NRCAM: variants seen among roughly 807,000 people sequenced by gnomAD.
NRCAM encodes NgCAM-related cell adhesion molecule.
Under a neutral mutation model 156.5 loss-of-function variants are expected in NRCAM, and 83 were observed. The observed-to-expected ratio is 0.53, with a 90% CI of 0.44 to 0.64. The LOEUF is 0.64. Ranked by LOEUF, NRCAM falls within the 30% of genes least tolerant of loss-of-function variation. The pLI, the probability that NRCAM is intolerant of heterozygous loss-of-function variation, is 0.00. For missense variants in NRCAM, 1,417 were observed against 1,597.3 expected (o/e 0.89, Z 1.92); for synonymous variants, 538 against 563.9 (o/e 0.95, Z 0.65).
chr7:108,191,656 A>G lies in NRCAM; in HGVS notation c.1903+73T>C, dbSNP rs543496771. 62 of 1,467,144 alleles carry G rather than the reference A, an allele frequency of 4.2e-5. No homozygotes were observed. In the Admixed American group the frequency reaches 5.5e-4, roughly 13 times the overall value. 90.9% of individuals were successfully genotyped at this position (1,467,144 alleles called of 1,614,324 possible). ...TAACAAGCAAATATTTGATATTTATAATTTTTATCTTATTTTTTCTTTTCA... is the reference window on the plus strand; with the variant it reads ...TAACAAGCAAATATTTGATATTTATGATTTTTATCTTATTTTTTCTTTTCA... On this transcript the variant is annotated intron_variant, in intron 18 of 32. Coordinates refer to ENST00000379028, the MANE Select transcript of NRCAM (RefSeq NM_001037132.4).
At chr7:108,161,492 T>A (rs1028061987) in intron 30 of NRCAM, among the ~76,000 whole-genome samples, 15 of 152,256 alleles carry the variant, frequency 9.9e-5, no homozygotes, top group Non-Finnish European at 1.6e-4. Context: ...AATTCTTTTT[T>A]AAAAGACCTT....
intron 2 of NRCAM, among the ~76,000 whole-genome samples, chr7:108,333,206 C>T (rs531710290): frequency 1.3e-4 from 20 of 152,188 alleles, no homozygotes; most frequent in Non-Finnish European, 7.4e-5. Flanking sequence ...AACAACCACA[C>T]ATTACTGAAG....
chr7:108,181,921 A>G lies in NRCAM; in HGVS notation c.2547T>C (p.Pro849=). 1 of 1,613,888 alleles carries G rather than the reference A, an allele frequency of 6.2e-7. No homozygotes were observed. The highest frequency in any genetic ancestry group is 8.5e-7 in the Non-Finnish European group (1 of 1,179,796). The stretch of plus-strand genomic sequence containing the variant: ...TCACCACATTCACACGCACGTTCCC[A>G]GGAGCCACCATTGGGACTAGGAAAA... ...HSGEDLPMVA[P]GNVRVNVVNS... The change falls in exon 24 of 33, where the codon CCT becomes CCC. Residue 849 remains proline, a synonymous_variant. Transcript: ENST00000379028.
intron 20 of NRCAM, among the ~76,000 whole-genome samples, chr7:108,188,091 G>A (rs426551): frequency 0.66 from 100,749 of 152,118 alleles, 36,106 homozygotes; most frequent in East Asian, 0.96. Context: ...GGAAGTGGGG[G>A]AGGGAAGGAG....
At chr7:108,309,840 A>C (rs1410217197) in intron 3 of NRCAM, among the ~76,000 whole-genome samples, 1 of 152,176 alleles carries the variant, frequency 6.6e-6, no homozygotes, top group African/African-American at 2.4e-5. Context: ...CTGGGTGACA[A>C]GTGAGACTCC....
intron 3 of NRCAM, among the ~76,000 whole-genome samples, chr7:108,258,764 G>T (rs1361062253): frequency 6.6e-6 from 1 of 152,114 alleles, no homozygotes; most frequent in Admixed American, 6.5e-5. Flanking sequence ...CTTAGTAAAT[G>T]GTGACAAAAG....
chr7:108,191,914 T>A, intron 17 of NRCAM, 61 bp from the exon 18 acceptor site: 4 of 1,529,106 alleles, frequency 2.6e-6, no homozygotes, highest in Non-Finnish European at 3.5e-6. Context: ...CTATAATTGC[T>A]TCACTGGCAG....
In NRCAM at chr7:108,435,898, C is replaced by A. The variant is rs539374744; in HGVS notation, c.-332+20345G>T. On this transcript the variant is annotated intron_variant, in intron 1 of 32. Coordinates refer to ENST00000379028, the MANE Select transcript of NRCAM (RefSeq NM_001037132.4). ...CTGTAATCCCAGCACTTTGGGAGGC[C>A]GAGGCGGGTGGATCACGAGGGTAGG... is the stretch of plus-strand genomic sequence containing the variant. Among the ~76,000 whole-genome samples the A allele has an allele frequency of 3.3e-5, 5 of 152,242 alleles. No homozygotes were observed. The South Asian group carries it at 1.0e-3, about 32-fold the overall frequency.
chr7:108,177,145 A>G (rs540554286), intron 26 of NRCAM, among the ~76,000 whole-genome samples: 1 of 152,222 alleles, frequency 6.6e-6, no homozygotes, highest in Non-Finnish European at 1.5e-5. Flanking sequence ...TTGAAGTTAT[A>G]TGTATATATT....
intron 3 of NRCAM, among the ~76,000 whole-genome samples, chr7:108,288,005 G>A (rs139103916): frequency 1.9e-4 from 29 of 152,020 alleles, no homozygotes; most frequent in South Asian, 6.2e-4. Context: ...AAAATGTAGC[G>A]TATATACATG....
At chr7:108,437,285 G>A (rs896646031) in intron 1 of NRCAM, among the ~76,000 whole-genome samples, 4 of 152,088 alleles carry the variant, frequency 2.6e-5, no homozygotes, top group Non-Finnish European at 5.9e-5. Context: ...AGTGGGAAGT[G>A]GGGGAAATGG....
intron 3 of NRCAM, among the ~76,000 whole-genome samples, chr7:108,252,372 C>T (rs1302579177): frequency 6.6e-6 from 1 of 152,158 alleles, no homozygotes; most frequent in Non-Finnish European, 1.5e-5. Flanking sequence ...TTTCTGTCTC[C>T]TTCGAGAATT....
chr7:108,162,668 C>T (rs1027520896), intron 30 of NRCAM, among the ~76,000 whole-genome samples: 1 of 152,202 alleles, frequency 6.6e-6, no homozygotes, highest in African/African-American at 2.4e-5. Context: ...GGTACACAAA[C>T]ATCCACATTC....
chr7:108,428,950 C>CT (rs1482991091), intron 1 of NRCAM, among the ~76,000 whole-genome samples: 5 of 114,772 alleles, frequency 4.4e-5, no homozygotes, highest in Non-Finnish European at 3.8e-5. Flanking sequence ...TTCTTTTCTT[C>CT]TTTTTTTTTT....
intron 2 of NRCAM, among the ~76,000 whole-genome samples, chr7:108,379,568 C>T (rs951316905): frequency 2.6e-5 from 4 of 151,920 alleles, no homozygotes; most frequent in South Asian, 2.1e-4. Flanking sequence ...ACACAACTGA[C>T]GGGTGTACTT....
intron 3 of NRCAM, among the ~76,000 whole-genome samples, chr7:108,281,594 C>T (rs1015697512): frequency 5.9e-5 from 9 of 152,092 alleles, no homozygotes; most frequent in African/African-American, 9.7e-5. Flanking sequence ...GCTGGCTGCC[C>T]AGGAGCTAAG....
At chr7:108,234,083 C>T (rs551522506) in intron 6 of NRCAM, among the ~76,000 whole-genome samples, 102 of 152,280 alleles carry the variant, frequency 6.7e-4, no homozygotes, top group Non-Finnish European at 8.7e-4. Context: ...TAAACTGTTA[C>T]AAAGACAGCA....
At position 108,234,586 on chromosome 7, in the gene NRCAM, G is replaced by A; in HGVS notation, c.227C>T (p.Pro76Leu). 1.9e-6 allele frequency: 3 copies of A among 1,582,866 alleles called. No homozygotes were observed. Among genetic ancestry groups the A allele is most frequent in the Non-Finnish European group, 2.6e-6 (3 of 1,152,426 alleles). The change falls in exon 6 of 33, where the codon CCA (proline) becomes CTA (leucine). Residue 76 changes from proline to leucine, a missense_variant. Around this residue, in one of 2 missense-constraint regions of NRCAM, gnomAD observed 1,238 missense variants for 1,336.4 expected, o/e 0.93. Coordinates refer to ENST00000379028, the MANE Select transcript of NRCAM (RefSeq NM_001037132.4). ...ACAAAGCAGAATGCACACTCACCTT[G>A]GGGGCGGTTTCCCTTTGGCTTCACA... Reference protein sequence around the residue: ...IQCEAKGKPPPSFSWTRNGTH... With the variant: ...IQCEAKGKPPLSFSWTRNGTH...
intron 3 of NRCAM, among the ~76,000 whole-genome samples, chr7:108,261,232 C>T (rs1307303375): frequency 1.3e-5 from 2 of 152,128 alleles, no homozygotes; most frequent in Admixed American, 1.3e-4. Context: ...TTATAAAACC[C>T]ACTTAAGACC....
Sources: allele counts gnomAD v4.1 joint callset (sites outside exome capture counted in the v4.1 genomes callset), GRCh38; gene constraint gnomAD v4.1.1; regional missense constraint gnomAD v4.1.1; transcripts MANE v1.5; gene names NCBI Gene and HGNC (gene_info 2026-07-23, HGNC 2026-07-21).